IL1RAPL1: variants seen among roughly 807,000 people sequenced by gnomAD.
IL1RAPL1 encodes the protein interleukin-1 receptor accessory protein-like 1.
Under a neutral mutation model 48.4 loss-of-function variants are expected in IL1RAPL1, and 3 were observed. The observed-to-expected ratio is 0.06, with a 90% confidence interval of 0.03 to 0.16. The LOEUF is 0.16. Among genes scored for constraint, IL1RAPL1 ranks in the 10% least tolerant of loss-of-function variants. IL1RAPL1 has a pLI of 1.00. For synonymous variants in IL1RAPL1, 185 were observed against 187.7 expected (o/e 0.99, Z 0.12); for missense variants, 349 against 530.6 (o/e 0.66, Z 3.36).
intron 2 of IL1RAPL1, among the ~76,000 whole-genome samples, chrX:29,137,332 T>G (rs2147488968): frequency 9.0e-6 from 1 of 111,440 alleles, no homozygotes; most frequent in African/African-American, 3.3e-5. Context: ...AATTTTCTCC[T>G]CTTCACAGAT....
intron 2 of IL1RAPL1, among the ~76,000 whole-genome samples, chrX:29,213,318 C>A (rs1304928341): frequency 8.9e-6 from 1 of 112,462 alleles, no homozygotes; most frequent in Non-Finnish European, 1.9e-5. Context: ...AACTTCTAAT[C>A]TCTATTCCCG....
intron 6 of IL1RAPL1, among the ~76,000 whole-genome samples, chrX:29,884,728 C>G (rs953421345): frequency 2.7e-5 from 3 of 111,673 alleles, no homozygotes; most frequent in African/African-American, 9.8e-5. Flanking sequence ...TGATCTTTTC[C>G]TGCGGACCTG....
chrX:29,739,949 A>G (rs1460366909), intron 6 of IL1RAPL1, among the ~76,000 whole-genome samples: 2 of 108,322 alleles, frequency 1.8e-5, no homozygotes, highest in African/African-American at 6.7e-5. Flanking sequence ...AATCCCAGCT[A>G]CTAGGGAGGC....
rs900442058 is a variant in IL1RAPL1, at chrX:29,895,331, A to C, written c.779-22133A>C. ...TTTGGGAGGCTGAGGCGGGTGGATC[A>C]CTTTAGGTCAGGAGTTCAAGACCAG... is the stretch of plus-strand genomic sequence containing the variant. On this transcript the variant is annotated intron_variant, in intron 6 of 10. Transcript: ENST00000378993. 6.4e-5 allele frequency among the ~76,000 whole-genome samples: 7 copies of C among 109,795 alleles called. No homozygotes were observed. The East Asian group carries it at 1.8e-3, about 28-fold the overall frequency.
intron 2 of IL1RAPL1, among the ~76,000 whole-genome samples, chrX:29,160,989 C>T (rs953785438): frequency 6.4e-5 from 7 of 109,744 alleles, no homozygotes; most frequent in East Asian, 2.9e-4. Flanking sequence ...GCCCGGGAGG[C>T]GGAGGTTGCA....
chrX:28,872,839 T>A (rs1274471232), intron 2 of IL1RAPL1, among the ~76,000 whole-genome samples: 1 of 112,326 alleles, frequency 8.9e-6, no homozygotes, highest in Non-Finnish European at 1.9e-5. Context: ...AAGAGAAGGA[T>A]AATAAAAGTC....
At chrX:28,666,785 G>A (rs185804981) in intron 1 of IL1RAPL1, among the ~76,000 whole-genome samples, 92 of 111,653 alleles carry the variant, frequency 8.2e-4, no homozygotes, top group African/African-American at 2.9e-3. Context: ...TGGCTTAGTT[G>A]GCTATATAAA....
At chrX:29,850,992 A>G (rs1316321189) in intron 6 of IL1RAPL1, among the ~76,000 whole-genome samples, 5 of 111,683 alleles carry the variant, frequency 4.5e-5, no homozygotes, top group African/African-American at 1.6e-4. Context: ...AAAGTTAGGA[A>G]TTTGACATCT....
At chrX:29,644,559 T>G (rs866436755) in intron 5 of IL1RAPL1, among the ~76,000 whole-genome samples, 7 of 92,531 alleles carry the variant, frequency 7.6e-5, no homozygotes, top group African/African-American at 3.0e-4. Context: ...TTTTTTTTTG[T>G]TTTGTTTTCT....
At chrX:29,528,534 T>C (rs1211575374) in intron 5 of IL1RAPL1, among the ~76,000 whole-genome samples, 1 of 112,465 alleles carries the variant, frequency 8.9e-6, no homozygotes, top group East Asian at 2.8e-4. Flanking sequence ...ACATAGCATT[T>C]ATTTTTTCTT....
intron 2 of IL1RAPL1, among the ~76,000 whole-genome samples, chrX:29,260,404 A>G (rs940327023): frequency 8.9e-5 from 10 of 112,289 alleles, no homozygotes; most frequent in Middle Eastern, 4.6e-3. Context: ...GGCAGAAGGC[A>G]AATGAGGAGC....
intron 6 of IL1RAPL1, among the ~76,000 whole-genome samples, chrX:29,780,832 A>AT (rs1929321061): frequency 1.8e-5 from 2 of 111,508 alleles, no homozygotes; most frequent in African/African-American, 6.5e-5. Flanking sequence ...TGAGACATTG[A>AT]TTTTCAGTGA....
rs921005400 is a variant in IL1RAPL1, at chrX:29,393,190, C to G, written c.363-3068C>G. Among the ~76,000 whole-genome samples the G allele has an allele frequency of 9.0e-5, 10 of 111,526 alleles. No homozygotes were observed. The East Asian group carries it at 2.3e-3, about 25-fold the overall frequency. On this transcript the variant is annotated intron_variant, in intron 3 of 10. Coordinates refer to ENST00000378993, the MANE Select transcript of IL1RAPL1 (RefSeq NM_014271.4). ...GCCCAGGCTTGCAGTCTCGCGATCT[C>G]GGCTCACTGCAAGCTCCGCCTCCCG...
intron 2 of IL1RAPL1, among the ~76,000 whole-genome samples, chrX:29,172,481 A>G (rs1159558482): frequency 9.0e-6 from 1 of 111,580 alleles, no homozygotes; most frequent in Non-Finnish European, 1.9e-5. Context: ...ACATATAGAC[A>G]GTTACTCTAG....
At chrX:29,653,342 GTTTTGTTTTATTTTTGT>G (rs1217882944) in intron 5 of IL1RAPL1, among the ~76,000 whole-genome samples, 2 of 111,588 alleles carry the variant, frequency 1.8e-5, no homozygotes, top group African/African-American at 6.5e-5. Flanking sequence ...ACAGGCTTTT[GTTTTGTTTTATTTTTGT>G]TTTTGTTTTC....
At chrX:28,966,734 AATTTT>A (rs1169053118) in intron 2 of IL1RAPL1, among the ~76,000 whole-genome samples, 1 of 112,133 alleles carries the variant, frequency 8.9e-6, no homozygotes, top group African/African-American at 3.2e-5. Context: ...TCATCATCTA[AATTTT>A]AATGTAAACG....
chrX:29,880,871 T>C (rs1026906507), intron 6 of IL1RAPL1, among the ~76,000 whole-genome samples: 6 of 111,771 alleles, frequency 5.4e-5, no homozygotes, highest in African/African-American at 1.9e-4. Context: ...TACTGGAATC[T>C]ACTATTAAAA....
chrX:29,864,164 A>T (rs922897940), intron 6 of IL1RAPL1, among the ~76,000 whole-genome samples: 1 of 112,647 alleles, frequency 8.9e-6, no homozygotes, highest in African/African-American at 3.2e-5. Flanking sequence ...TCTTGGTGAC[A>T]TTGGTTGAGA....
chrX:28,615,234 T>TA (rs1569138829), intron 1 of IL1RAPL1, among the ~76,000 whole-genome samples: 14 of 90,851 alleles, frequency 1.5e-4, no homozygotes, highest in African/African-American at 5.6e-4. Flanking sequence ...TTTTTTTTTT[T>TA]ACCTACAAAT....
Sources: gnomAD v4.1 joint callset for allele counts (sites outside exome capture counted in the v4.1 genomes callset) on GRCh38, gnomAD v4.1.1 for gene constraint, MANE v1.5 for transcripts, NCBI Gene and HGNC (gene_info 2026-07-23, HGNC 2026-07-21) for gene names.